STX2: variants seen among roughly 807,000 people sequenced by gnomAD.
STX2 encodes the protein syntaxin-2.
Under a neutral mutation model 40.6 loss-of-function variants are expected in STX2, and 27 were observed. The ratio of observed to expected loss-of-function variants is 0.66; its 90% CI spans 0.49 to 0.92. STX2 has a LOEUF of 0.92. Ranked by LOEUF, STX2 falls within the 40% of genes least tolerant of loss-of-function variation. The pLI, the probability that STX2 is intolerant of heterozygous loss-of-function variation, is 0.00. For missense variants in STX2, 328 were observed against 366.1 expected (o/e 0.90, Z 0.85); for synonymous variants, 123 against 119.1 (o/e 1.03, Z -0.22).
intron 10 of STX2, among the ~76,000 whole-genome samples, chr12:130,794,558 C>T (rs1331008804): frequency 6.6e-6 from 1 of 152,166 alleles, no homozygotes. Context: ...TGCCGTGGTG[C>T]GATCTAGACT....
At chr12:130,837,831 G>C (rs1482897191) in intron 1 of STX2, among the ~76,000 whole-genome samples, 1 of 152,156 alleles carries the variant, frequency 6.6e-6, no homozygotes, top group Non-Finnish European at 1.5e-5. Context: ...TTGATCTGCG[G>C]AACACAGGGA....
At chr12:130,825,858 T>C (rs1490278257) in intron 2 of STX2, among the ~76,000 whole-genome samples, 1 of 152,214 alleles carries the variant, frequency 6.6e-6, no homozygotes, top group Non-Finnish European at 1.5e-5. Flanking sequence ...AAAAACCCAC[T>C]GGACGTGTGT....
Position 130,821,768 on chromosome 12 carries a change from A to C in STX2, c.126T>G (p.Ser42Arg). The stretch of plus-strand genomic sequence containing the variant: ...CAACATATTGAGTTATTTTATCAAT[A>C]CTGTTTCTAATCTCCTCCACCTAGG... Reference protein sequence around the residue: ...FFHQVEEIRNSIDKITQYVEE... With the variant: ...FFHQVEEIRNRIDKITQYVEE... Residue 42 changes from serine (S) to arginine (R), a missense_variant, in exon 3 of 11, where the codon AGT (serine) becomes AGG (arginine). Ser to Arg is a moderately radical substitution (Grantham distance 110). Coordinates refer to ENST00000392373, the MANE Select transcript of STX2 (RefSeq NM_194356.4). 1 of 1,612,122 alleles carries C rather than the reference A, an allele frequency of 6.2e-7. No individual in the cohort carries two copies. The highest frequency in any genetic ancestry group is 8.5e-7 in the Non-Finnish European group (1 of 1,178,148).
At position 130,821,758 on chromosome 12, in the gene STX2, T is replaced by C. The variant is rs1358641400; in HGVS notation, c.136A>G (p.Ile46Val). 2 of 1,612,266 alleles carry C rather than the reference T, an allele frequency of 1.2e-6. No individual in the cohort carries two copies. The highest frequency in any genetic ancestry group is 1.7e-5 in the Admixed American group (1 of 60,032). The change falls in exon 3 of 11, where the codon ATA becomes GTA. Residue 46 changes from isoleucine (I) to valine (V), a missense_variant. By Grantham distance (29) the Ile-to-Val change is conservative. Coordinates refer to ENST00000392373, the MANE Select transcript of STX2 (RefSeq NM_194356.4). Reference protein sequence around the residue: ...VEEIRNSIDKITQYVEEVKKN... With the variant: ...VEEIRNSIDKVTQYVEEVKKN... ...TTTACTTCTTCAACATATTGAGTTATTTTATCAATACTGTTTCTAATCTCC... is the reference window on the plus strand; with the variant it reads ...TTTACTTCTTCAACATATTGAGTTACTTTATCAATACTGTTTCTAATCTCC...
At chr12:130,808,539 A>G (rs1951525866) in intron 5 of STX2, 92 bp downstream of exon 5, 2 of 1,089,834 alleles carry the variant, frequency 1.8e-6, no homozygotes, top group Admixed American at 4.3e-5. Context: ...TAAGCATGAC[A>G]GTAAAGATGA....
intron 2 of STX2, among the ~76,000 whole-genome samples, chr12:130,824,263 T>C (rs1952218475): frequency 7.2e-6 from 1 of 138,534 alleles, no homozygotes; most frequent in African/African-American, 2.5e-5. Flanking sequence ...GTGGTGTGCC[T>C]GTAGCACCAG....
chr12:130,827,036 G>C (rs990826637), intron 2 of STX2, among the ~76,000 whole-genome samples, 157 bp downstream of exon 2: 1 of 129,736 alleles, frequency 7.7e-6, no homozygotes, highest in Non-Finnish European at 1.6e-5. Context: ...AAAGGAAAAA[G>C]AAAAAGAAAG....
rs1238825279 is a variant in STX2 at position 130,827,192 on chromosome 12, C to G, written c.105+1G>C. 3 of 1,612,958 alleles carry G rather than the reference C, an allele frequency of 1.9e-6. No homozygotes were observed. The highest frequency in any genetic ancestry group is 2.5e-6 in the Non-Finnish European group (3 of 1,179,348). ...GATTGGGTTTCATTAAACGCTCTTA[C>G]CTGATGGAAGAAATCATCCATGAAA... On this transcript the variant is annotated splice_donor_variant, in intron 2 of 10. Transcript: ENST00000392373. LOFTEE classifies it high-confidence loss of function.
Position 130,805,416 on chromosome 12 carries a change from AG to A in STX2, c.463+1565del, listed in dbSNP as rs144563097. 4.1e-3 allele frequency among the ~76,000 whole-genome samples: 626 copies of A among 152,316 alleles called. 3 individuals are homozygous for A. Among genetic ancestry groups the A allele is most frequent in the African/African-American group, 0.014 (601 of 41,572 alleles). ...AGCAGAAAGGGCCCAGGTGGAGCCC[AG>A]GGGAAGTCCTAAGGCAAAGGCACAG... On this transcript the variant is annotated intron_variant, in intron 6 of 10. Coordinates refer to ENST00000392373, the MANE Select transcript of STX2 (RefSeq NM_194356.4).
intron 1 of STX2, among the ~76,000 whole-genome samples, chr12:130,835,265 G>A (rs2398539): frequency 0.82 from 124,167 of 152,162 alleles, 51,021 homozygotes; most frequent in African/African-American, 0.9. Context: ...CTCCAGCCTG[G>A]GCGACACAGT....
Position 130,808,856 on chromosome 12 carries a change from G to A in STX2, c.281-152C>T, listed in dbSNP as rs929713716. ...ACCTTCTAAAACAATCTACTAAAAA[G>A]ACAATCCCTCAATAGGAAATTATTT... On this transcript the variant is annotated intron_variant, in intron 4 of 10. Coordinates refer to ENST00000392373, the MANE Select transcript of STX2 (RefSeq NM_194356.4). 68 of 689,856 alleles carry A rather than the reference G, an allele frequency of 9.9e-5. No homozygotes were observed. In the African/African-American group the frequency reaches 1.2e-3, roughly 12 times the overall value. The allele number at this position is 689,856 out of a possible 1,614,324, so 42.7% of individuals were successfully genotyped here. A position where few individuals can be genotyped will look rare whatever the true frequency, so the allele number is the denominator to read the frequency against.
chr12:130,804,066 T>C (rs879481324), intron 6 of STX2, among the ~76,000 whole-genome samples: 3 of 152,174 alleles, frequency 2.0e-5, no homozygotes, highest in Non-Finnish European at 4.4e-5. Flanking sequence ...TCCTAAAATC[T>C]GAAAAATTCT....
chr12:130,838,051 CAGAGG>C (rs570358061), intron 1 of STX2, among the ~76,000 whole-genome samples: 192 of 152,314 alleles, frequency 1.3e-3, no homozygotes, highest in African/African-American at 4.5e-3. Context: ...ATTCTAGCAG[CAGAGG>C]AGAGAGAATA....
intron 6 of STX2, among the ~76,000 whole-genome samples, chr12:130,806,677 A>G (rs1951446689): frequency 6.6e-6 from 1 of 152,188 alleles, no homozygotes; most frequent in African/African-American, 2.4e-5. Flanking sequence ...CCCCCGAACC[A>G]GGGCAGGGCG....
At chr12:130,798,239 A>T (rs1446279615) in intron 9 of STX2, among the ~76,000 whole-genome samples, 1 of 113,748 alleles carries the variant, frequency 8.8e-6, no homozygotes, top group Non-Finnish European at 1.8e-5. Flanking sequence ...AACAAGAGCG[A>T]AACTCCAATT....
intron 9 of STX2, 163 bp downstream of exon 9, chr12:130,798,361 AC>A (rs1951098916): frequency 2.1e-6 from 1 of 484,208 alleles, no homozygotes; most frequent in African/African-American, 2.0e-5. Flanking sequence ...CATCTAATAA[AC>A]CTTTTAAATT....
intron 4 of STX2, chr12:130,812,448 C>T (rs1951697273): frequency 7.3e-6 from 3 of 413,134 alleles, no homozygotes; most frequent in Non-Finnish European, 9.6e-6. Context: ...TGAAACCTGC[C>T]GTAATAAAAG....
At chr12:130,815,511 C>G (rs1454921271) in intron 3 of STX2, among the ~76,000 whole-genome samples, 1 of 152,246 alleles carries the variant, frequency 6.6e-6, no homozygotes, top group Non-Finnish European at 1.5e-5. Flanking sequence ...TTTTCCTGAG[C>G]CCAGAACCTG....
chr12:130,801,367 C>G (rs1443026246), intron 7 of STX2, 48 bp downstream of exon 7: 2 of 1,593,062 alleles, frequency 1.3e-6, no homozygotes, highest in African/African-American at 2.7e-5. Context: ...TTAAAAAGCT[C>G]TGTCTACAGA....
Sources: gnomAD v4.1 joint callset for allele counts (sites outside exome capture counted in the v4.1 genomes callset) on GRCh38, gnomAD v4.1.1 for gene constraint, MANE v1.5 for transcripts, NCBI Gene and HGNC (gene_info 2026-07-23, HGNC 2026-07-21) for gene names.